The following SLC2A12 variants were observed in gnomAD, a reference collection of about 807,000 sequenced individuals.
SLC2A12 encodes solute carrier family 2, facilitated glucose transporter member 12.
A neutral mutation model predicts 41.8 loss-of-function variants in SLC2A12; 23 were observed. That is an observed-to-expected ratio of 0.55 (90% confidence interval 0.40 to 0.78). The LOEUF is 0.78. Among genes scored for constraint, SLC2A12 ranks in the 30% least tolerant of loss-of-function variants. The pLI is 0.00. For synonymous variants in SLC2A12, 295 were observed against 285.9 expected (o/e 1.03, Z -0.32); for missense variants, 654 against 745.6 (o/e 0.88, Z 1.43).
chr6:134,047,971 C>A (rs184737584), intron 1 of SLC2A12, among the ~76,000 whole-genome samples: 1 of 152,312 alleles, frequency 6.6e-6, no homozygotes, highest in East Asian at 1.9e-4. Context: ...TCTGTGGCAA[C>A]CTCTCTGCTC....
At chr6:134,000,351 T>G (rs753471849) in intron 4 of SLC2A12, among the ~76,000 whole-genome samples, 1 of 152,184 alleles carries the variant, frequency 6.6e-6, no homozygotes, top group Non-Finnish European at 1.5e-5. Context: ...CTACTTACTA[T>G]ACCCCCAATA....
At chr6:134,013,088 G>GCA (rs1776909290) in intron 2 of SLC2A12, among the ~76,000 whole-genome samples, 1 of 152,030 alleles carries the variant, frequency 6.6e-6, no homozygotes, top group Non-Finnish European at 1.5e-5. Flanking sequence ...TTTTTAAGCT[G>GCA]GAAAGTCTTT....
At chr6:134,007,035 G>A in intron 2 of SLC2A12, 101 bp from the exon 3 acceptor site, 2 of 1,513,632 alleles carry the variant, frequency 1.3e-6, no homozygotes, top group Admixed American at 4.0e-5. Context: ...CATCCTGCCG[G>A]GATTTGTGGT....
intron 4 of SLC2A12, among the ~76,000 whole-genome samples, chr6:133,994,594 G>T (rs1366609708): frequency 3.9e-5 from 6 of 152,158 alleles, no homozygotes. Flanking sequence ...CAGGCGTGGT[G>T]GCGGGCACCT....
intron 4 of SLC2A12, among the ~76,000 whole-genome samples, chr6:133,994,975 A>G (rs193274643): frequency 1.7e-3 from 255 of 152,326 alleles, no homozygotes; most frequent in African/African-American, 5.7e-3. Flanking sequence ...ATGAGGAGTG[A>G]GAATTGACCA....
At chr6:133,996,275 C>T (rs144831632) in intron 4 of SLC2A12, among the ~76,000 whole-genome samples, 1 of 152,326 alleles carries the variant, frequency 6.6e-6, no homozygotes, top group African/African-American at 2.4e-5. Context: ...AACTTGTTTG[C>T]TTTCTCCATT....
intron 1 of SLC2A12, among the ~76,000 whole-genome samples, chr6:134,047,608 C>A (rs773846402): frequency 3.9e-5 from 6 of 152,154 alleles, no homozygotes; most frequent in Non-Finnish European, 5.9e-5. Context: ...CTAAAGACCA[C>A]CCTCTTGAGA....
At chr6:134,048,848 A>G (rs912479062) in intron 1 of SLC2A12, among the ~76,000 whole-genome samples, 3 of 152,310 alleles carry the variant, frequency 2.0e-5, no homozygotes, top group African/African-American at 7.2e-5. Flanking sequence ...AAGCTCTGAC[A>G]TCTGCCCAAG....
At chr6:134,013,631 G>A (rs557492588) in intron 2 of SLC2A12, among the ~76,000 whole-genome samples, 1 of 152,062 alleles carries the variant, frequency 6.6e-6, no homozygotes, top group African/African-American at 2.4e-5. Flanking sequence ...TTAAAATATG[G>A]GGAGTTGAAA....
intron 2 of SLC2A12, among the ~76,000 whole-genome samples, chr6:134,026,448 G>A (rs1275630063): frequency 6.6e-6 from 1 of 152,000 alleles, no homozygotes; most frequent in African/African-American, 2.4e-5. Context: ...AAATAAAAAT[G>A]TAATAAAAAT....
intron 2 of SLC2A12, among the ~76,000 whole-genome samples, chr6:134,025,016 C>T (rs1185064404): frequency 6.6e-6 from 1 of 152,170 alleles, no homozygotes; most frequent in African/African-American, 2.4e-5. Flanking sequence ...CTCTTTCATC[C>T]TATATCTCAG....
At chr6:134,002,717 G>A (rs748396340) in intron 3 of SLC2A12, among the ~76,000 whole-genome samples, 1 of 152,120 alleles carries the variant, frequency 6.6e-6, no homozygotes, top group Non-Finnish European at 1.5e-5. Flanking sequence ...ATTTTTAATA[G>A]CTTGCAGTGT....
At chr6:134,034,557 T>C (rs1220786230) in intron 1 of SLC2A12, among the ~76,000 whole-genome samples, 1 of 152,228 alleles carries the variant, frequency 6.6e-6, no homozygotes, top group African/African-American at 2.4e-5. Context: ...AGTGGGTTTT[T>C]CTTGTGTGTT....
chr6:134,042,426 C>T (rs1002151946), intron 1 of SLC2A12, among the ~76,000 whole-genome samples: 5 of 150,118 alleles, frequency 3.3e-5, no homozygotes, highest in South Asian at 2.1e-4. Context: ...TGGGAGAGAG[C>T]GAGAGGGAGA....
intron 1 of SLC2A12, among the ~76,000 whole-genome samples, chr6:134,037,618 G>A (rs1331814642): frequency 6.6e-6 from 1 of 152,124 alleles, no homozygotes; most frequent in African/African-American, 2.4e-5. Context: ...ATCCCAAAGT[G>A]GGATTACAGG....
intron 2 of SLC2A12, among the ~76,000 whole-genome samples, chr6:134,010,420 A>C (rs1776864705): frequency 6.6e-6 from 1 of 152,340 alleles, no homozygotes; most frequent in Non-Finnish European, 1.5e-5. Context: ...ACAGAGACAC[A>C]GTGAACTCTT....
intron 1 of SLC2A12, among the ~76,000 whole-genome samples, chr6:134,046,646 T>A (rs77197416): frequency 0.028 from 4,206 of 151,734 alleles, 76 homozygotes; most frequent in Non-Finnish European, 0.041. Context: ...TAAAAAAAAA[T>A]ATATATATAC....
At chr6:134,033,532 T>C (rs1777251478) in intron 1 of SLC2A12, among the ~76,000 whole-genome samples, 1 of 152,144 alleles carries the variant, frequency 6.6e-6, no homozygotes, top group Non-Finnish European at 1.5e-5. Context: ...AATTGAGGAC[T>C]GGTCTCTGAT....
At chr6:134,016,257 A>G (rs1015901472) in intron 2 of SLC2A12, among the ~76,000 whole-genome samples, 1 of 152,034 alleles carries the variant, frequency 6.6e-6, no homozygotes, top group Non-Finnish European at 1.5e-5. Flanking sequence ...GATAAAGATA[A>G]CATCTCCTAG....
Sources: allele counts gnomAD v4.1 joint callset (sites outside exome capture counted in the v4.1 genomes callset), GRCh38; gene constraint gnomAD v4.1.1; transcripts MANE v1.5; gene names NCBI Gene and HGNC (gene_info 2026-07-23, HGNC 2026-07-21).